Variants in NDST1 observed in about 807,000 individuals in gnomAD.
NDST1 encodes the protein N-deacetylase and N-sulfotransferase 1.
A neutral mutation model predicts 92.8 loss-of-function variants in NDST1; 35 were observed. The observed-to-expected ratio is 0.38, with a 90% CI of 0.29 to 0.50. The LOEUF is 0.50. Among genes scored for constraint, NDST1 ranks in the 20% least tolerant of loss-of-function variants. The pLI, the probability that NDST1 is intolerant of heterozygous loss-of-function variation, is 0.94. For synonymous variants in NDST1, 493 were observed against 500.3 expected, an observed-to-expected ratio of 0.99 and a Z score of 0.19; for missense variants, 822 against 1,182.7, an observed-to-expected ratio of 0.69 and a Z score of 4.47.
chr5:150,529,513 A>G (rs1219719711), intron 3 of NDST1, among the ~76,000 whole-genome samples: 1 of 152,196 alleles, frequency 6.6e-6, no homozygotes, highest in Non-Finnish European at 1.5e-5. Flanking sequence ...AATTAAGACC[A>G]TTAAACAATC....
At chr5:150,540,607 G>A (rs925013849) in intron 8 of NDST1, among the ~76,000 whole-genome samples, 1 of 152,148 alleles carries the variant, frequency 6.6e-6, no homozygotes, top group Admixed American at 6.5e-5. Context: ...CTTGAACCCA[G>A]GAGTTCAAGA....
At chr5:150,524,321 T>C (rs566094349) in intron 2 of NDST1, among the ~76,000 whole-genome samples, 1 of 152,350 alleles carries the variant, frequency 6.6e-6, no homozygotes, top group East Asian at 1.9e-4. Flanking sequence ...CCAGGTTCAG[T>C]AAACAGCAGT....
chr5:150,498,587 T>C (rs1344435554), intron 1 of NDST1, among the ~76,000 whole-genome samples: 3 of 152,200 alleles, frequency 2.0e-5, no homozygotes, highest in Non-Finnish European at 4.4e-5. Context: ...AGGCCCTCCC[T>C]GGCTTTGTCC....
At chr5:150,516,074 C>T (rs1003039660) in intron 1 of NDST1, among the ~76,000 whole-genome samples, 4 of 151,130 alleles carry the variant, frequency 2.6e-5, no homozygotes, top group African/African-American at 9.7e-5. Flanking sequence ...GGCTTCTATC[C>T]AGGCAGCCAG....
At position 150,545,416 on chromosome 5, in the gene NDST1, C is replaced by G. The variant is rs1282055557; in HGVS notation, c.2075C>G (p.Ala692Gly). Reference sequence around the variant, plus strand: ...GAAGTGGCGCCCCGGCGGGCAGCAGCCCTCTTGCCCAAAGCCAAGGTCCTG... The same window carrying G: ...GAAGTGGCGCCCCGGCGGGCAGCAGGCCTCTTGCCCAAAGCCAAGGTCCTG... ...DSEVAPRRAA[A>G]LLPKAKVLTI... The change falls in exon 11 of 15, where the codon GCC becomes GGC. Residue 692 changes from alanine to glycine, a missense_variant. Ala to Gly is a moderately conservative substitution (Grantham distance 60, BLOSUM62 0). Transcript: ENST00000261797. 5.6e-6 allele frequency: 9 copies of G among 1,614,280 alleles called. No homozygotes were observed. The highest frequency in any genetic ancestry group is 7.6e-6 in the Non-Finnish European group (9 of 1,180,052).
rs769233705 is a variant in NDST1, at chr5:150,548,247, C to G, written c.2175C>G (p.Ala725=). The stretch of plus-strand genomic sequence containing the variant: ...AGCGAGCCCATGACGACCCAGTGGC[C>G]CTAAAGTACACCTTCCATGAGGTGA... ...QHQRAHDDPV[A]LKYTFHEVIT... is the part of the protein sequence containing the mutation. The change falls in exon 12 of 15, where the codon GCC becomes GCG. Residue 725 remains alanine, a synonymous_variant. Coordinates refer to ENST00000261797, the MANE Select transcript of NDST1 (RefSeq NM_001543.5). 1.2e-6 allele frequency: 2 copies of G among 1,614,142 alleles called. No individual in the cohort carries two copies. Among genetic ancestry groups the G allele is most frequent in the Admixed American group, 3.3e-5 (2 of 60,010 alleles).
intron 1 of NDST1, among the ~76,000 whole-genome samples, chr5:150,502,564 G>A (rs1027090391): frequency 3.3e-5 from 5 of 152,082 alleles, no homozygotes; most frequent in African/African-American, 1.2e-4. Flanking sequence ...GCATGTTCCT[G>A]TTGCTGTCAG....
chr5:150,534,925 G>A lies in NDST1; in HGVS notation c.1155G>A (p.Trp385Ter). 4 of 1,614,264 alleles carry A rather than the reference G, an allele frequency of 2.5e-6. No homozygotes were observed. The highest frequency in any genetic ancestry group is 3.4e-6 in the Non-Finnish European group (4 of 1,180,056). The change falls in exon 5 of 15, where the codon TGG becomes TGA. Residue 385 changes from tryptophan (W) to a stop codon, truncating the protein, a stop_gained. Coordinates refer to ENST00000261797, the MANE Select transcript of NDST1 (RefSeq NM_001543.5). LOFTEE classifies it high-confidence loss of function. ...DLLLSYVKEF[W>*]WFPHMWSHMQ... ...TGCTGTCGTATGTGAAGGAGTTCTG[G>A]TGGTTCCCCCACATGTGGAGCCACA... is the stretch of plus-strand genomic sequence containing the variant.
chr5:150,535,049 CG>C (rs1754919970), intron 5 of NDST1, 28 bp downstream of exon 5: 17 of 1,603,454 alleles, frequency 1.1e-5, no homozygotes, highest in Non-Finnish European at 1.4e-5. Flanking sequence ...CAGGGCAGAG[CG>C]GGGCGGGCTA....
chr5:150,519,268 G>A (rs995260177), intron 1 of NDST1, among the ~76,000 whole-genome samples: 1 of 152,168 alleles, frequency 6.6e-6, no homozygotes, highest in African/African-American at 2.4e-5. Context: ...TATAGTCTTG[G>A]AGCTGGAAGG....
chr5:150,516,668 T>C (rs1753979991), intron 1 of NDST1, among the ~76,000 whole-genome samples: 1 of 152,136 alleles, frequency 6.6e-6, no homozygotes, highest in South Asian at 2.1e-4. Flanking sequence ...GAAATTATTA[T>C]GATATATATT....
chr5:150,547,207 T>G (rs1755526497), intron 11 of NDST1, among the ~76,000 whole-genome samples: 1 of 152,220 alleles, frequency 6.6e-6, no homozygotes, highest in South Asian at 2.1e-4. Context: ...CCTATTCCTT[T>G]TTCTGTCCAT....
chr5:150,539,960 TA>T, intron 7 of NDST1, 121 bp from the exon 8 acceptor site: 4 of 1,354,178 alleles, frequency 3.0e-6, no homozygotes, highest in Non-Finnish European at 4.1e-6. Flanking sequence ...AGCGCCAGCG[TA>T]ACTTCCACTG....
chr5:150,506,815 T>A (rs914315131), upstream of NDST1, among the ~76,000 whole-genome samples: 2 of 152,186 alleles, frequency 1.3e-5, no homozygotes, highest in Non-Finnish European at 2.9e-5. Context: ...CTACAGGGAC[T>A]GGCTGCTTTC....
In NDST1 at chr5:150,521,107, T is replaced by C; in HGVS notation, c.-148T>C. The C allele has an allele frequency of 1.4e-6, 1 of 699,742 alleles. No individual in the cohort carries two copies. The highest frequency in any genetic ancestry group is 1.8e-5 in the South Asian group (1 of 54,210). The allele number at this position is 699,742 out of a possible 1,614,324, so 43.3% of individuals were successfully genotyped here. A position where few individuals can be genotyped will look rare whatever the true frequency, so the allele number is the denominator to read the frequency against. ...GAGGAAGGACTGGGGGCCCAGATCCTCCACTCCCAGTGCCCCACAAGGGCG... is the reference window on the plus strand; with the variant it reads ...GAGGAAGGACTGGGGGCCCAGATCCCCCACTCCCAGTGCCCCACAAGGGCG... On this transcript the variant is annotated 5_prime_UTR_variant, in exon 2 of 15. Transcript: ENST00000261797. The surrounding 1 kb of genome is among the most constrained non-coding windows in gnomAD (Gnocchi z 5.9).
At chr5:150,504,813 T>G (rs1291436246), upstream of NDST1, among the ~76,000 whole-genome samples, 1 of 152,170 alleles carries the variant, frequency 6.6e-6, no homozygotes, top group Non-Finnish European at 1.5e-5. Context: ...CAACACCTGG[T>G]ACCAAGTAAA....
At position 150,522,431 on chromosome 5, in the gene NDST1, G is replaced by T. The variant is rs10075733; in HGVS notation, c.513+664G>T. Among the ~76,000 whole-genome samples the T allele has an allele frequency of 4.2e-3, 640 of 152,160 alleles. 4 individuals are homozygous for T. Among genetic ancestry groups the T allele is most frequent in the African/African-American group, 0.015 (609 of 41,484 alleles). Reference sequence around the variant, plus strand: ...GCAGGAAGGGTGTCCCAGAGAATCTGTCCTTGGCGGGGGGAGGTTGGGAAT... The same window carrying T: ...GCAGGAAGGGTGTCCCAGAGAATCTTTCCTTGGCGGGGGGAGGTTGGGAAT... On this transcript the variant is annotated intron_variant, in intron 2 of 14. Transcript: ENST00000261797.
chr5:150,509,833 G>T (rs757434495), intron 1 of NDST1, among the ~76,000 whole-genome samples: 4 of 152,210 alleles, frequency 2.6e-5, no homozygotes, highest in Non-Finnish European at 2.9e-5. Flanking sequence ...TTATATTGGG[G>T]TGTCTGATGG....
chr5:150,536,342 A>T (rs915745723), intron 6 of NDST1, among the ~76,000 whole-genome samples: 5 of 151,908 alleles, frequency 3.3e-5, no homozygotes, highest in Non-Finnish European at 7.4e-5. Flanking sequence ...ACTAAAAAAA[A>T]AATATGCCTG....
Sources: allele counts gnomAD v4.1 joint callset (sites outside exome capture counted in the v4.1 genomes callset), GRCh38; gene constraint gnomAD v4.1.1; non-coding constraint Gnocchi (gnomAD v3.1); transcripts MANE v1.5; gene names NCBI Gene and HGNC (gene_info 2026-07-23, HGNC 2026-07-21).